TTC6: variants seen among roughly 807,000 people sequenced by gnomAD.
TTC6 encodes the protein tetratricopeptide repeat domain 6, also known as tetratricopeptide repeat protein 6.
In TTC6, 172 loss-of-function variants were observed where a neutral mutation model predicts 210.4. That is an observed-to-expected ratio of 0.82 (90% CI 0.72 to 0.93). The LOEUF (loss-of-function observed/expected upper bound fraction) is 0.93. TTC6 is among the 40% of genes least tolerant of loss of function. The pLI, the probability that TTC6 is intolerant of heterozygous loss-of-function variation, is 0.00. For synonymous variants in TTC6, 804 were observed against 819.6 expected (o/e 0.98, Z 0.32); for missense variants, 2,414 against 2,318.1 (o/e 1.04, Z -0.85).
At chr14:37,718,677 C>G (rs1484065876) in intron 6 of TTC6, among the ~76,000 whole-genome samples, 1 of 152,144 alleles carries the variant, frequency 6.6e-6, no homozygotes, top group East Asian at 1.9e-4. Flanking sequence ...CCTGTAAGCC[C>G]AGCGCTTTGG....
intron 16 of TTC6, 45 bp downstream of exon 18, chr14:37,790,882 A>G: frequency 6.7e-7 from 1 of 1,486,980 alleles, no homozygotes; most frequent in Non-Finnish European, 8.9e-7. Flanking sequence ...TTTGTAAAAA[A>G]TCGAAAACCT....
At chr14:37,788,131 G>A (rs1260368211) in intron 15 of TTC6, among the ~76,000 whole-genome samples, 1 of 152,016 alleles carries the variant, frequency 6.6e-6, no homozygotes, top group East Asian at 1.9e-4. Flanking sequence ...ACTAAAAATA[G>A]GTTTTGAGAA....
chr14:37,663,947 G>C lies in TTC6; in HGVS notation c.940-16204G>C, dbSNP rs377119545. On this transcript the variant is annotated intron_variant, in intron 1 of 30. Transcript: ENST00000553443. ...ATACCTAGGACTATAGCTAATAAGG[G>C]AAGTGAAGGACCTCTTCAAGGAGAA... Among the ~76,000 whole-genome samples the C allele has an allele frequency of 3.7e-3, 520 of 138,744 alleles. 20 individuals are homozygous for C. The highest frequency in any genetic ancestry group is 6.6e-3 in the Non-Finnish European group (386 of 58,566). The allele number at this position is 138,744 out of a possible 152,430, so 91.0% of individuals were successfully genotyped here.
At chr14:37,821,022 CCTCTTCT>C (rs1233208940) in intron 26 of TTC6, among the ~76,000 whole-genome samples, 44 of 58,990 alleles carry the variant, frequency 7.5e-4, no homozygotes, top group African/African-American at 9.9e-4. Flanking sequence ...TCTTCTTCTT[CCTCTTCT>C]TCTTCTTCTT....
At chr14:37,812,198 A>G in intron 24 of TTC6, 116 bp from the exon 27 acceptor site, 1 of 1,090,024 alleles carries the variant, frequency 9.2e-7, no homozygotes, top group Non-Finnish European at 1.3e-6. Flanking sequence ...CATAAATTAT[A>G]AAACAAATTG....
intron 22 of TTC6, among the ~76,000 whole-genome samples, chr14:37,806,974 G>C (rs1223267844): frequency 6.6e-6 from 1 of 152,136 alleles, no homozygotes; most frequent in East Asian, 1.9e-4. Context: ...TATAATGGCA[G>C]TGTGGTTATG....
At chr14:37,640,001 T>G (rs1595048843) in intron 1 of TTC6, among the ~76,000 whole-genome samples, 1 of 151,638 alleles carries the variant, frequency 6.6e-6, no homozygotes, top group South Asian at 2.1e-4. Context: ...TATGTATATA[T>G]TAGGTCTTAA....
chr14:37,717,772 A>G (rs546157865), intron 6 of TTC6, among the ~76,000 whole-genome samples: 12 of 152,344 alleles, frequency 7.9e-5, no homozygotes, highest in East Asian at 5.8e-4. Context: ...AAAGAAAGAA[A>G]GAAAGAAAGA....
At chr14:37,823,756 G>C (rs562776193) in exon 27 of TTC6, 6 of 1,613,590 alleles carry the variant, frequency 3.7e-6, no homozygotes, top group Non-Finnish European at 5.1e-6. Context: ...GAATTAATGA[G>C]TTTGAAGAAG....
At chr14:37,837,570 C>G (rs1595339740) in intron 29 of TTC6, 6 of 296,444 alleles carry the variant, frequency 2.0e-5, no homozygotes, top group South Asian at 1.7e-4. Context: ...TGTATAGACA[C>G]TGGGAAAAAC....
chr14:37,758,960 G>C (rs1357428907), intron 14 of TTC6, among the ~76,000 whole-genome samples: 1 of 152,086 alleles, frequency 6.6e-6, no homozygotes, highest in Admixed American at 6.6e-5. Context: ...AGTTTGGTTG[G>C]ATATGAAATT....
chr14:37,770,903 G>C (rs2096016154), intron 14 of TTC6, among the ~76,000 whole-genome samples: 1 of 148,066 alleles, frequency 6.8e-6, no homozygotes. Context: ...TAGTCTCGAT[G>C]GTCTTTACAT....
intron 26 of TTC6, among the ~76,000 whole-genome samples, chr14:37,823,050 A>C (rs565200295): frequency 3.9e-5 from 6 of 152,134 alleles, no homozygotes; most frequent in South Asian, 2.1e-4. Context: ...TTGAAACTAA[A>C]TATTATTATT....
chr14:37,825,043 G>A (rs1447904573), intron 27 of TTC6, among the ~76,000 whole-genome samples: 1 of 152,198 alleles, frequency 6.6e-6, no homozygotes, highest in East Asian at 1.9e-4. Flanking sequence ...GGAGTGTAAA[G>A]AATTGAGTCA....
At chr14:37,804,531 C>T in intron 20 of TTC6, 149 bp from the exon 23 acceptor site, 1 of 1,053,120 alleles carries the variant, frequency 9.5e-7, no homozygotes, top group Non-Finnish European at 1.4e-6. Flanking sequence ...ACTGACAAGA[C>T]CTGTAACTTC....
At chr14:37,832,762 T>A (rs919199793) in intron 29 of TTC6, among the ~76,000 whole-genome samples, 1 of 152,060 alleles carries the variant, frequency 6.6e-6, no homozygotes, top group African/African-American at 2.4e-5. Context: ...CATGTACTGA[T>A]AAGAATGGGT....
At chr14:37,783,009 G>A (rs2096059010) in intron 14 of TTC6, among the ~76,000 whole-genome samples, 1 of 152,154 alleles carries the variant, frequency 6.6e-6, no homozygotes, top group East Asian at 1.9e-4. Context: ...GCTTTTTGAT[G>A]TGCTGCTGGA....
At chr14:37,790,891 C>T in intron 16 of TTC6, 54 bp downstream of exon 18, 1 of 1,438,852 alleles carries the variant, frequency 6.9e-7, no homozygotes, top group Non-Finnish European at 9.2e-7. Context: ...AATCGAAAAC[C>T]TGAAATGGGA....
chr14:37,807,631 A>G (rs1225443456), intron 23 of TTC6, among the ~76,000 whole-genome samples, 171 bp downstream of exon 25: 1 of 152,170 alleles, frequency 6.6e-6, no homozygotes, highest in Non-Finnish European at 1.5e-5. Context: ...TTTTCACAAA[A>G]TAATGGTATT....
Sources: gnomAD v4.1 joint callset for allele counts (sites outside exome capture counted in the v4.1 genomes callset) on GRCh38, gnomAD v4.1.1 for gene constraint, MANE v1.5 for transcripts, NCBI Gene and HGNC (gene_info 2026-07-23, HGNC 2026-07-21) for gene names.